WWTR1: variants seen among roughly 807,000 people sequenced by gnomAD.
WWTR1 encodes the protein WW domain-containing transcription regulator protein 1.
In WWTR1, 13 loss-of-function variants were observed where a neutral mutation model predicts 40.1. That is an observed-to-expected ratio of 0.32 (90% CI 0.21 to 0.52). The LOEUF (loss-of-function observed/expected upper bound fraction) is 0.52, where lower values mean the gene tolerates loss of function less well. Ranked by LOEUF, WWTR1 falls within the 20% of genes least tolerant of loss-of-function variation. WWTR1 has a pLI of 0.97. For missense variants in WWTR1, 436 were observed against 523.1 expected (o/e 0.83, Z 1.63); for synonymous variants, 230 against 210.1 (o/e 1.09, Z -0.82).
chr3:149,637,492 A>T (rs1424277041), intron 2 of WWTR1, among the ~76,000 whole-genome samples: 2 of 152,032 alleles, frequency 1.3e-5, no homozygotes, highest in African/African-American at 4.8e-5. Context: ...CGGCCTCCCA[A>T]AGTGCTGGGA....
At chr3:149,720,485 T>A (rs1402957843) in intron 4 of WWTR1, among the ~76,000 whole-genome samples, 3 of 152,188 alleles carry the variant, frequency 2.0e-5, no homozygotes, top group Non-Finnish European at 4.4e-5. Flanking sequence ...TTATGTGTGG[T>A]CTTTATGCCA....
chr3:149,600,428 A>G (rs1739190676), intron 2 of WWTR1, among the ~76,000 whole-genome samples: 1 of 152,228 alleles, frequency 6.6e-6, no homozygotes, highest in South Asian at 2.1e-4. Flanking sequence ...AAGGGAAAAG[A>G]GGAGCCTGAC....
At chr3:149,714,870 CAG>C (rs1445895629) in intron 5 of WWTR1, among the ~76,000 whole-genome samples, 1 of 152,148 alleles carries the variant, frequency 6.6e-6, no homozygotes, top group East Asian at 1.9e-4. Flanking sequence ...TAAAAACCCC[CAG>C]AGTCAGTCAG....
At chr3:149,533,960 ATGT>A (rs1328461953) in intron 4 of WWTR1, among the ~76,000 whole-genome samples, 1 of 152,170 alleles carries the variant, frequency 6.6e-6, no homozygotes, top group Non-Finnish European at 1.5e-5. Context: ...GCCCTTTAAC[ATGT>A]TATTTCCCAT....
At chr3:149,535,146 T>A (rs140964529) in intron 4 of WWTR1, among the ~76,000 whole-genome samples, 3 of 152,112 alleles carry the variant, frequency 2.0e-5, no homozygotes, top group African/African-American at 7.2e-5. Context: ...CTGCTCTGCT[T>A]GATTTAAGTG....
chr3:149,723,218 T>TC (rs1715800853), intron 4 of WWTR1, among the ~76,000 whole-genome samples: 1 of 135,994 alleles, frequency 7.4e-6, no homozygotes, highest in East Asian at 2.1e-4. Flanking sequence ...GACAGAGTTT[T>TC]GCTCCTGTTG....
At chr3:149,590,425 G>A (rs965346029) in intron 2 of WWTR1, among the ~76,000 whole-genome samples, 3 of 152,132 alleles carry the variant, frequency 2.0e-5, no homozygotes, top group South Asian at 2.1e-4. Flanking sequence ...CGAGGCAGGC[G>A]GGTCACCTGA....
chr3:149,719,496 A>T (rs1715705433), intron 4 of WWTR1, among the ~76,000 whole-genome samples: 1 of 152,172 alleles, frequency 6.6e-6, no homozygotes, highest in South Asian at 2.1e-4. Flanking sequence ...TTCTATTGTA[A>T]GTATATATCA....
intron 2 of WWTR1, among the ~76,000 whole-genome samples, chr3:149,608,489 C>A (rs575492275): frequency 6.6e-6 from 1 of 151,896 alleles, no homozygotes; most frequent in Non-Finnish European, 1.5e-5. Context: ...GGGTTCAAGC[C>A]ATTTTCCTGC....
intron 3 of WWTR1, among the ~76,000 whole-genome samples, chr3:149,558,507 A>G (rs1736944056): frequency 6.6e-6 from 1 of 152,180 alleles, no homozygotes; most frequent in Non-Finnish European, 1.5e-5. Context: ...TCATTAGAGG[A>G]GCCATTTGGC....
intron 4 of WWTR1, among the ~76,000 whole-genome samples, chr3:149,718,669 C>G (rs1353462196): frequency 6.6e-6 from 1 of 152,180 alleles, no homozygotes; most frequent in Non-Finnish European, 1.5e-5. Context: ...AACCATCATT[C>G]TACTTTCTGT....
chr3:149,678,342 C>T (rs1214221616), intron 1 of WWTR1, among the ~76,000 whole-genome samples: 1 of 152,156 alleles, frequency 6.6e-6, no homozygotes, highest in African/African-American at 2.4e-5. Flanking sequence ...TTGAGGCCAT[C>T]CCTTAGAACT....
At chr3:149,687,004 A>G (rs1266819152) in intron 1 of WWTR1, among the ~76,000 whole-genome samples, 1 of 152,144 alleles carries the variant, frequency 6.6e-6, no homozygotes, top group African/African-American at 2.4e-5. Flanking sequence ...GCCCTCAGGA[A>G]TATGTTTGAA....
intron 5 of WWTR1, among the ~76,000 whole-genome samples, chr3:149,713,816 C>T (rs975646570): frequency 2.6e-5 from 4 of 152,166 alleles, no homozygotes; most frequent in African/African-American, 9.7e-5. Flanking sequence ...GCGGTGTGAC[C>T]CCTGTGGCAC....
At chr3:149,637,257 G>A (rs1306628456) in intron 2 of WWTR1, among the ~76,000 whole-genome samples, 2 of 149,132 alleles carry the variant, frequency 1.3e-5, no homozygotes, top group Non-Finnish European at 3.0e-5. Context: ...ACAGAGTCTC[G>A]CTCTGTTGGC....
intron 2 of WWTR1, among the ~76,000 whole-genome samples, chr3:149,581,207 C>T (rs989695697): frequency 2.6e-4 from 39 of 152,052 alleles, no homozygotes; most frequent in African/African-American, 9.2e-4. Context: ...TCCATTCTGC[C>T]CAAATCCTAA....
At chr3:149,542,608 A>G in intron 3 of WWTR1, 71 bp from the exon 4 acceptor site, 1 of 1,459,190 alleles carries the variant, frequency 6.9e-7, no homozygotes, top group South Asian at 1.4e-5. Context: ...GACCATCAGA[A>G]TGTTTTCTGC....
At chr3:149,658,064 G>A (rs1434658827), upstream of WWTR1, 1 of 152,614 alleles carries the variant, frequency 6.6e-6, no homozygotes, top group African/African-American at 2.4e-5. Context: ...CCCACCCCCA[G>A]GAAAGAGGCG....
intron 2 of WWTR1, among the ~76,000 whole-genome samples, chr3:149,582,518 G>A (rs4681185): frequency 0.11 from 16,815 of 151,628 alleles, 1,000 homozygotes; most frequent in Non-Finnish European, 0.13. Context: ...TTGAGCATAG[G>A]AGTTCAAGGC....
Sources: gnomAD v4.1 joint callset for allele counts (sites outside exome capture counted in the v4.1 genomes callset) on GRCh38, gnomAD v4.1.1 for gene constraint, MANE v1.5 for transcripts, NCBI Gene and HGNC (gene_info 2026-07-23, HGNC 2026-07-21) for gene names.